The following ZFAND4 variants were observed in gnomAD, a reference collection of about 807,000 sequenced individuals.
ZFAND4 encodes AN1-type zinc finger protein 4.
ZFAND4 carries 43 observed loss-of-function variants against 64.4 expected under a neutral mutation model. The ratio of observed to expected loss-of-function variants is 0.67; its 90% CI spans 0.52 to 0.86. ZFAND4 has a LOEUF of 0.86. ZFAND4 is among the 40% of genes least tolerant of loss of function. The probability of loss-of-function intolerance (pLI) is 0.00; values close to 1 mark genes in which losing one functional copy is unlikely to be tolerated. For synonymous variants in ZFAND4, 296 were observed against 305.7 expected, an observed-to-expected ratio of 0.97 and a Z score of 0.33; for missense variants, 929 against 859.8, an observed-to-expected ratio of 1.08 and a Z score of -1.01.
chr10:45,658,281 C>G (rs1439810820), intron 2 of ZFAND4, among the ~76,000 whole-genome samples: 1 of 152,112 alleles, frequency 6.6e-6, no homozygotes, highest in Non-Finnish European at 1.5e-5. Context: ...ATGAGAAGAC[C>G]AGGGTGATGC....
rs1267705449 is a variant in ZFAND4 at position 45,616,686 on chromosome 10, G to A, written c.2049-115C>T. ...AACAGGGGCCCTTTGGTTCTTTTTA[G>A]CAATTTCACTGCTGACATTTCCCTT... On this transcript the variant is annotated intron_variant, in intron 9 of 9. Transcript: ENST00000344646. 9 of 971,664 alleles carry A rather than the reference G, an allele frequency of 9.3e-6. No individual in the cohort carries two copies. In the East Asian group the frequency reaches 1.5e-4, roughly 16 times the overall value. The allele number at this position is 971,664 out of a possible 1,614,324, so 60.2% of individuals were successfully genotyped here.
intron 3 of ZFAND4, among the ~76,000 whole-genome samples, chr10:45,652,541 G>T (rs2047827752): frequency 6.6e-6 from 1 of 152,152 alleles, no homozygotes; most frequent in Non-Finnish European, 1.5e-5. Context: ...AAAGTACGTT[G>T]GTAGTCACTG....
intron 8 of ZFAND4, among the ~76,000 whole-genome samples, chr10:45,623,311 T>C (rs1445857180): frequency 6.6e-6 from 1 of 152,224 alleles, no homozygotes; most frequent in Non-Finnish European, 1.5e-5. Context: ...AAGACATATA[T>C]GTGCACCCAT....
Position 45,656,670 on chromosome 10 carries a change from C to A in ZFAND4, c.185-3611G>T, listed in dbSNP as rs148375385. Among the ~76,000 whole-genome samples the A allele has an allele frequency of 4.2e-3, 637 of 152,060 alleles. 4 individuals are homozygous for A. Among genetic ancestry groups the A allele is most frequent in the African/African-American group, 0.015 (603 of 41,478 alleles). The stretch of plus-strand genomic sequence containing the variant: ...AAAGATATACAGATAATGCAACAGA[C>A]TGAATGTTTGTATTCCCCCACCCAA... On this transcript the variant is annotated intron_variant, in intron 2 of 9. Coordinates refer to ENST00000344646, the MANE Select transcript of ZFAND4 (RefSeq NM_174890.4).
At chr10:45,665,026 A>G (rs1227027078) in intron 1 of ZFAND4, among the ~76,000 whole-genome samples, 1 of 152,206 alleles carries the variant, frequency 6.6e-6, no homozygotes, top group Admixed American at 6.5e-5. Flanking sequence ...TAAGTATTAG[A>G]CAATCTCTGC....
intron 4 of ZFAND4, chr10:45,651,464 G>A (rs925677405): frequency 1.2e-5 from 5 of 430,834 alleles, no homozygotes; most frequent in African/African-American, 2.0e-5. Flanking sequence ...CGCTCAATAC[G>A]TATTTGTTGA....
Position 45,652,017 on chromosome 10 carries a change from T to C in ZFAND4, c.277A>G (p.Thr93Ala). 6.2e-7 allele frequency: 1 copy of C among 1,613,848 alleles called. No homozygotes were observed. The highest frequency in any genetic ancestry group is 8.5e-7 in the Non-Finnish European group (1 of 1,179,772). ...LNDYNISEGC[T>A]LKLVLAMRGG... ...CGCATAGCCAAAACTAGCTTCAAGG[T>C]ACACCCTTCTGAAATGCTGTGGATA... The change falls in exon 4 of 10, where the codon ACC becomes GCC. Residue 93 changes from threonine (T) to alanine (A), a missense_variant. Thr to Ala is a moderately conservative substitution (Grantham distance 58). Transcript: ENST00000344646.
At chr10:45,643,585 G>A (rs1210708762) in intron 5 of ZFAND4, among the ~76,000 whole-genome samples, 12 of 149,802 alleles carry the variant, frequency 8.0e-5, no homozygotes, top group African/African-American at 3.0e-4. Context: ...CAAGAGAATC[G>A]CTTGAATCTG....
At chr10:45,639,780 C>CT in intron 6 of ZFAND4, 36 bp downstream of exon 6, 1 of 1,574,198 alleles carries the variant, frequency 6.4e-7, no homozygotes, top group Non-Finnish European at 8.6e-7. Flanking sequence ...CAGGGGTAAG[C>CT]TAGAGATAAG....
chr10:45,634,097 A>G (rs2046393181), intron 6 of ZFAND4, among the ~76,000 whole-genome samples: 1 of 143,188 alleles, frequency 7.0e-6, no homozygotes, highest in Non-Finnish European at 1.6e-5. Flanking sequence ...GGAGATACAT[A>G]ATAAATAAAG....
At position 45,619,939 on chromosome 10, in the gene ZFAND4, TTTAAA is replaced by T. The variant is rs2045291672; in HGVS notation, c.1928-1684_1928-1680del. Among the ~76,000 whole-genome samples the T allele has an allele frequency of 2.6e-5, 4 of 152,196 alleles. No individual in the cohort carries two copies. In the South Asian group the frequency reaches 6.2e-4, roughly 24 times the overall value. ...CAAAGGTGAGGGAGTAATTCCATTATTTAAAGTATTTTTAAAAAGATATTTACTTG... is the reference window on the plus strand; with the variant it reads ...CAAAGGTGAGGGAGTAATTCCATTATGTATTTTTAAAAAGATATTTACTTG... On this transcript the variant is annotated intron_variant, in intron 8 of 9. Transcript: ENST00000344646.
At chr10:45,665,572 T>C (rs2048769982) in intron 1 of ZFAND4, among the ~76,000 whole-genome samples, 1 of 152,120 alleles carries the variant, frequency 6.6e-6, no homozygotes, top group Non-Finnish European at 1.5e-5. Flanking sequence ...TATTGAAATA[T>C]AATTCACATG....
At chr10:45,661,211 C>A (rs1247956397) in intron 2 of ZFAND4, among the ~76,000 whole-genome samples, 1 of 152,154 alleles carries the variant, frequency 6.6e-6, no homozygotes, top group East Asian at 1.9e-4. Flanking sequence ...TATTATTCTT[C>A]CTATCTTAGA....
intron 6 of ZFAND4, among the ~76,000 whole-genome samples, chr10:45,634,334 C>T (rs1359676182): frequency 6.6e-6 from 1 of 152,070 alleles, no homozygotes; most frequent in East Asian, 1.9e-4. Flanking sequence ...ACCATTCTGG[C>T]CAACATGGTG....
intron 2 of ZFAND4, among the ~76,000 whole-genome samples, chr10:45,660,826 CT>C (rs1267871257): frequency 2.6e-5 from 4 of 151,954 alleles, no homozygotes; most frequent in African/African-American, 9.7e-5. Context: ...AAATATTATC[CT>C]TCAGAAATGA....
chr10:45,655,241 C>T (rs1369669209), intron 2 of ZFAND4, among the ~76,000 whole-genome samples: 1 of 152,196 alleles, frequency 6.6e-6, no homozygotes, highest in African/African-American at 2.4e-5. Flanking sequence ...AAACAATCTG[C>T]TCCTGAATGA....
At chr10:45,651,542 C>T (rs1184786896) in intron 4 of ZFAND4, 2 of 469,940 alleles carry the variant, frequency 4.3e-6, no homozygotes, top group African/African-American at 2.0e-5. Flanking sequence ...TGATAATATC[C>T]ATGAAACCCA....
chr10:45,647,877 A>T (rs2047496076), intron 5 of ZFAND4, among the ~76,000 whole-genome samples: 1 of 152,208 alleles, frequency 6.6e-6, no homozygotes, highest in Non-Finnish European at 1.5e-5. Flanking sequence ...AAATATATGT[A>T]GGGTTTTTCC....
intron 8 of ZFAND4, among the ~76,000 whole-genome samples, chr10:45,621,463 C>A (rs1299998073): frequency 6.7e-6 from 1 of 149,856 alleles, no homozygotes; most frequent in Non-Finnish European, 1.5e-5. Context: ...GAGGTTAAGG[C>A]CAGGCGCAGT....
Sources: allele counts gnomAD v4.1 joint callset (sites outside exome capture counted in the v4.1 genomes callset), GRCh38; gene constraint gnomAD v4.1.1; transcripts MANE v1.5; gene names NCBI Gene and HGNC (gene_info 2026-07-23, HGNC 2026-07-21).